Variants in GLI3 observed in about 807,000 individuals in gnomAD.
The protein encoded by GLI3 is GLI family zinc finger 3.
In GLI3, 20 loss-of-function variants were observed where a neutral mutation model predicts 100.8. The ratio of observed to expected loss-of-function variants is 0.20; its 90% CI spans 0.14 to 0.29. The LOEUF (loss-of-function observed/expected upper bound fraction) is 0.29. Among genes scored for constraint, GLI3 ranks in the 10% least tolerant of loss-of-function variants. The pLI is 1.00. For missense variants in GLI3, 2,040 were observed against 2,128.5 expected, an observed-to-expected ratio of 0.96 and a Z score of 0.82; for synonymous variants, 938 against 860.5, an observed-to-expected ratio of 1.09 and a Z score of -1.58.
chr7:42,152,480 G>A, intron 2 of GLI3: 4 of 899,644 alleles, frequency 4.4e-6, no homozygotes, highest in Non-Finnish European at 4.0e-6. Context: ...CCCTCTCCCA[G>A]GCAATGCTGC....
In GLI3 at chr7:42,040,236, G is replaced by C; in HGVS notation, c.830C>G (p.Thr277Ser). 1 of 1,611,960 alleles carries C rather than the reference G, an allele frequency of 6.2e-7. No homozygotes were observed. Among genetic ancestry groups the C allele is most frequent in the Middle Eastern group, 1.7e-4 (1 of 6,036 alleles). Residue 277 changes from threonine (T) to serine (S), a missense_variant, in exon 7 of 15, where the codon ACC becomes AGC. Physicochemically the swap from Thr to Ser is moderately conservative, Grantham distance 58. Transcript: ENST00000395925. ...HMEYLHAMDS[T>S]RFSSPRLSAR... ...TGACAGCCTGGGGCTGGAGAATCTG[G>C]TGCCTGTTATATAAACAAAAAAGAA...
intron 3 of GLI3, among the ~76,000 whole-genome samples, chr7:42,082,674 T>C (rs1275170500): frequency 2.0e-5 from 3 of 152,186 alleles, no homozygotes; most frequent in African/African-American, 7.2e-5. Flanking sequence ...GAATGAGACA[T>C]CGTATTTATA....
intron 1 of GLI3, 148 bp from the exon 2 acceptor site, chr7:42,223,443 CAA>C (rs11366795): frequency 6.1e-4 from 295 of 481,930 alleles, no homozygotes; most frequent in East Asian, 1.5e-3. Flanking sequence ...GGTTTTCTGG[CAA>C]AAAAAAAAGT....
chr7:42,231,837 A>G (rs895042706), intron 1 of GLI3, among the ~76,000 whole-genome samples: 2 of 152,262 alleles, frequency 1.3e-5, no homozygotes, highest in South Asian at 4.1e-4. Flanking sequence ...CTCTTTGTAC[A>G]AATCAATAGT....
At chr7:42,093,379 CAAAA>C (rs545971639) in intron 3 of GLI3, among the ~76,000 whole-genome samples, 2 of 102,798 alleles carry the variant, frequency 1.9e-5, no homozygotes, top group African/African-American at 3.3e-5. Flanking sequence ...AACAATGTCT[CAAAA>C]AAAAAAAAAA....
chr7:42,094,647 T>C (rs1785298508), intron 3 of GLI3, among the ~76,000 whole-genome samples: 1 of 151,850 alleles, frequency 6.6e-6, no homozygotes, highest in African/African-American at 2.4e-5. Context: ...GGCAGGAGAA[T>C]TGCTTGAATC....
chr7:42,147,747 TA>T (rs1047872416), intron 3 of GLI3, among the ~76,000 whole-genome samples: 35 of 152,276 alleles, frequency 2.3e-4, no homozygotes, highest in African/African-American at 7.7e-4. Flanking sequence ...ACAGATTTGT[TA>T]AAAGAGGTTT....
chr7:42,058,162 T>C (rs1247276269), intron 4 of GLI3, among the ~76,000 whole-genome samples: 2 of 152,100 alleles, frequency 1.3e-5, no homozygotes, highest in African/African-American at 4.8e-5. Context: ...CAAAAGAATA[T>C]AATGTATGAT....
At chr7:42,085,782 G>A (rs537403194) in intron 3 of GLI3, among the ~76,000 whole-genome samples, 5 of 152,166 alleles carry the variant, frequency 3.3e-5, no homozygotes, top group Non-Finnish European at 7.3e-5. Context: ...AGATTGTCGG[G>A]GCTCAGGCTC....
intron 1 of GLI3, among the ~76,000 whole-genome samples, chr7:42,225,898 C>T (rs1379823805): frequency 1.3e-5 from 2 of 152,326 alleles, no homozygotes; most frequent in South Asian, 2.1e-4. Flanking sequence ...AAGGCTTCTA[C>T]TTTCCCAGCA....
chr7:42,090,780 G>A (rs1259280133), intron 3 of GLI3, among the ~76,000 whole-genome samples: 1 of 152,194 alleles, frequency 6.6e-6, no homozygotes, highest in African/African-American at 2.4e-5. Flanking sequence ...GCTCAAAAAA[G>A]AACTATCATT....
intron 3 of GLI3, among the ~76,000 whole-genome samples, chr7:42,104,695 T>C (rs1785536880): frequency 6.6e-6 from 1 of 152,188 alleles, no homozygotes; most frequent in Non-Finnish European, 1.5e-5. Context: ...ATTCACATAT[T>C]GAACTCTAAT....
At chr7:41,997,815 T>C (rs2128720445) in intron 10 of GLI3, among the ~76,000 whole-genome samples, 2 of 152,322 alleles carry the variant, frequency 1.3e-5, no homozygotes, top group South Asian at 4.1e-4. Context: ...TGGTGCAACA[T>C]AAATATATAA....
chr7:42,184,495 T>C (rs991815472), intron 2 of GLI3, among the ~76,000 whole-genome samples: 7 of 152,222 alleles, frequency 4.6e-5, no homozygotes, highest in African/African-American at 1.7e-4. Context: ...CTGCTCTTCC[T>C]ACAGTGAAGG....
intron 3 of GLI3, among the ~76,000 whole-genome samples, chr7:42,084,885 A>C (rs1785068402): frequency 6.7e-6 from 1 of 149,442 alleles, no homozygotes; most frequent in African/African-American, 2.5e-5. Context: ...TAGCTCTAAA[A>C]ATATGCATTT....
At chr7:42,154,878 C>T (rs1786963528) in intron 2 of GLI3, among the ~76,000 whole-genome samples, 1 of 152,208 alleles carries the variant, frequency 6.6e-6, no homozygotes, top group African/African-American at 2.4e-5. Context: ...CGGGGTCAGA[C>T]TTTGCCCTTG....
At chr7:42,209,866 C>A (rs1788228704) in intron 2 of GLI3, among the ~76,000 whole-genome samples, 1 of 145,284 alleles carries the variant, frequency 6.9e-6, no homozygotes, top group South Asian at 2.2e-4. Flanking sequence ...GATCATCATT[C>A]CTCCAAAGAG....
chr7:41,982,720 A>T (rs1787707992), intron 10 of GLI3, among the ~76,000 whole-genome samples: 1 of 151,660 alleles, frequency 6.6e-6, no homozygotes, highest in African/African-American at 2.4e-5. Context: ...AAAAAAGAAA[A>T]TACATTGTAC....
intron 7 of GLI3, among the ~76,000 whole-genome samples, chr7:42,030,197 C>G (rs1789246157): frequency 6.6e-6 from 1 of 152,158 alleles, no homozygotes; most frequent in Non-Finnish European, 1.5e-5. Flanking sequence ...GCCTCCTCCT[C>G]CTCCTCCTCT....
Sources: allele counts gnomAD v4.1 joint callset (sites outside exome capture counted in the v4.1 genomes callset), GRCh38; gene constraint gnomAD v4.1.1; transcripts MANE v1.5; gene names NCBI Gene and HGNC (gene_info 2026-07-23, HGNC 2026-07-21).